Variants in MYOF observed in about 807,000 individuals in gnomAD.
MYOF encodes fer-1-like 3, myoferlin.
Under a neutral mutation model 284.2 loss-of-function variants are expected in MYOF, and 244 were observed. That is an observed-to-expected ratio of 0.86 (90% CI 0.77 to 0.95). MYOF has a LOEUF of 0.95. Ranked by LOEUF, MYOF falls within the 40% of genes least tolerant of loss-of-function variation. The pLI is 0.00. For synonymous variants in MYOF, 904 were observed against 919.7 expected (o/e 0.98, Z 0.31); for missense variants, 2,496 against 2,560.6 (o/e 0.97, Z 0.54).
At chr10:93,431,543 G>C (rs781644060) in intron 3 of MYOF, 27 bp from the exon 4 acceptor site, 1 of 1,584,330 alleles carries the variant, frequency 6.3e-7, no homozygotes, top group South Asian at 1.1e-5. Flanking sequence ...AAAGCACATA[G>C]CAGCCTAAGT....
chr10:93,383,166 G>A (rs1329479733), intron 19 of MYOF, among the ~76,000 whole-genome samples: 3 of 152,070 alleles, frequency 2.0e-5, no homozygotes, highest in Non-Finnish European at 2.9e-5. Flanking sequence ...CAAAGTGCTG[G>A]GATTACAGGC....
chr10:93,411,206 A>T (rs1160915925), intron 5 of MYOF, among the ~76,000 whole-genome samples: 1 of 152,178 alleles, frequency 6.6e-6, no homozygotes, highest in African/African-American at 2.4e-5. Flanking sequence ...AAAATACCAC[A>T]ACCTGGGTGG....
Position 93,431,391 on chromosome 10 carries a change from A to G in MYOF, c.345+17T>C. The stretch of plus-strand genomic sequence containing the variant: ...CATCTCACTTCAAAGCCATTCAATA[A>G]GAGAGAAAACACTCACCCCAGTATC... On this transcript the variant is annotated intron_variant, in intron 4 of 53. Transcript: ENST00000359263. 1 of 1,608,152 alleles carries G rather than the reference A, an allele frequency of 6.2e-7. No homozygotes were observed. Among genetic ancestry groups the G allele is most frequent in the Non-Finnish European group, 8.5e-7 (1 of 1,174,896 alleles).
In MYOF at chr10:93,387,806, C is replaced by A; in HGVS notation, c.1689G>T (p.Leu563=). 6.2e-7 allele frequency: 1 copy of A among 1,613,640 alleles called. No individual in the cohort carries two copies. The highest frequency in any genetic ancestry group is 8.5e-7 in the Non-Finnish European group (1 of 1,179,578). The change falls in exon 19 of 54, where the codon CTG becomes CTT. Residue 563 remains leucine (L), a synonymous_variant. Coordinates refer to ENST00000359263, the MANE Select transcript of MYOF (RefSeq NM_013451.4). ...KLEPISNDDL[L]VVEKYQRRRK... ...ACACTTTAACATTTACCTCAACAAC[C>A]AGCAGGTCATCATTTGAAATGGGCT...
intron 5 of MYOF, among the ~76,000 whole-genome samples, chr10:93,425,489 G>A (rs1434988024): frequency 6.6e-6 from 1 of 152,146 alleles, no homozygotes; most frequent in East Asian, 1.9e-4. Flanking sequence ...ACTGGCACCT[G>A]ATGGCCCTGA....
rs539146572 is a variant in MYOF, at chr10:93,341,050, T to C, written c.4327-886A>G. ...TTGATTTTTGTTCAGCACAATGCAATTGCCAAGAGAGGCAGAGGGACAGAT... is the reference window on the plus strand; with the variant it reads ...TTGATTTTTGTTCAGCACAATGCAACTGCCAAGAGAGGCAGAGGGACAGAT... On this transcript the variant is annotated intron_variant, in intron 38 of 53. Transcript: ENST00000359263. Among the ~76,000 whole-genome samples the C allele has an allele frequency of 8.8e-4, 134 of 152,316 alleles. 2 individuals are homozygous for C. Among genetic ancestry groups the C allele is most frequent in the Admixed American group, 2.4e-3 (36 of 15,302 alleles).
chr10:93,426,884 C>CT (rs1169014883), intron 4 of MYOF, among the ~76,000 whole-genome samples: 4,155 of 104,696 alleles, frequency 0.04, 404 homozygotes, highest in African/African-American at 0.14. Context: ...ACGAGACTGT[C>CT]TTTTTTTTTT....
intron 19 of MYOF, among the ~76,000 whole-genome samples, chr10:93,383,486 T>C (rs1846219773): frequency 6.6e-6 from 1 of 152,120 alleles, no homozygotes; most frequent in Admixed American, 6.5e-5. Flanking sequence ...CCTAGCTTAG[T>C]CCACTGTCAC....
chr10:93,453,841 T>G (rs2056662850), intron 2 of MYOF, among the ~76,000 whole-genome samples: 1 of 151,832 alleles, frequency 6.6e-6, no homozygotes, highest in Non-Finnish European at 1.5e-5. Context: ...GTTATGACTG[T>G]GCCATTACAC....
intron 5 of MYOF, among the ~76,000 whole-genome samples, chr10:93,413,635 T>C (rs1473991208): frequency 2.6e-5 from 4 of 152,220 alleles, no homozygotes; most frequent in African/African-American, 9.6e-5. Flanking sequence ...CTGCTGGTTG[T>C]ATTAGCTTCT....
chr10:93,456,422 A>T (rs2056745959), intron 2 of MYOF, among the ~76,000 whole-genome samples: 1 of 152,216 alleles, frequency 6.6e-6, no homozygotes, highest in African/African-American at 2.4e-5. Context: ...ACTTTTATCA[A>T]CATAAAACCA....
Position 93,344,488 on chromosome 10 carries a change from G to T in MYOF, c.4250-556C>A, listed in dbSNP as rs955160813. Among the ~76,000 whole-genome samples, 3 of 152,124 alleles carry T rather than the reference G, an allele frequency of 2.0e-5. No homozygotes were observed. The East Asian group carries it at 5.8e-4, about 29-fold the overall frequency. ...CATAGCTTAGCTCCTACTTATAAGTGAGAACATACAGAGAGCCTACATCTA... is the reference window on the plus strand; with the variant it reads ...CATAGCTTAGCTCCTACTTATAAGTTAGAACATACAGAGAGCCTACATCTA... On this transcript the variant is annotated intron_variant, in intron 37 of 53. Transcript: ENST00000359263.
chr10:93,431,607 T>C (rs1466953481), intron 3 of MYOF, 91 bp from the exon 4 acceptor site: 2 of 935,868 alleles, frequency 2.1e-6, no homozygotes, highest in Admixed American at 2.2e-5. Context: ...TCTTCATCTG[T>C]TAAATCATTG....
chr10:93,325,149 C>A (rs1244635043), intron 46 of MYOF, among the ~76,000 whole-genome samples: 1 of 152,174 alleles, frequency 6.6e-6, no homozygotes, highest in Non-Finnish European at 1.5e-5. Context: ...CCTGGACCCA[C>A]CCTAGACCTA....
At chr10:93,404,333 T>G in intron 7 of MYOF, 114 bp from the exon 8 acceptor site, 1 of 1,101,074 alleles carries the variant, frequency 9.1e-7, no homozygotes, top group Non-Finnish European at 1.3e-6. Context: ...AATTCAAAAT[T>G]AGGTTTGACC....
intron 9 of MYOF, 85 bp from the exon 10 acceptor site, chr10:93,402,975 A>G (rs1847371550): frequency 8.4e-7 from 1 of 1,192,338 alleles, no homozygotes; most frequent in Admixed American, 1.8e-5. Context: ...ATATTTAAAT[A>G]TCATGTCTTG....
intron 26 of MYOF, among the ~76,000 whole-genome samples, chr10:93,364,677 A>G (rs1845244259): frequency 6.6e-6 from 1 of 152,110 alleles, no homozygotes; most frequent in African/African-American, 2.4e-5. Context: ...TGCCATGTTA[A>G]TTTTCCTCTT....
Position 93,347,646 on chromosome 10 carries a change from C to G in MYOF, c.4220G>C (p.Gly1407Ala), listed in dbSNP as rs1328051955. The change falls in exon 37 of 54, where the codon GGG becomes GCG. Residue 1407 changes from glycine (G) to alanine (A), a missense_variant. Transcript: ENST00000359263. ...GAGCTGTGGGACGATGTCCTCTTTC[C>G]CTGCATAAGGGTCACAGCGAAAGCG... is the stretch of plus-strand genomic sequence containing the variant. ...LDRFRCDPYA[G>A]KEDIVPQLKA... The G allele has an allele frequency of 6.2e-7, 1 of 1,613,706 alleles. No homozygotes were observed. Among genetic ancestry groups the G allele is most frequent in the South Asian group, 1.1e-5 (1 of 91,050 alleles).
intron 18 of MYOF, 78 bp downstream of exon 18, chr10:93,388,952 T>C: frequency 6.5e-7 from 1 of 1,532,046 alleles, no homozygotes; most frequent in Non-Finnish European, 8.8e-7. Flanking sequence ...TATCCTGCAA[T>C]ACTTGATCAG....
Sources: gnomAD v4.1 joint callset for allele counts (sites outside exome capture counted in the v4.1 genomes callset) on GRCh38, gnomAD v4.1.1 for gene constraint, MANE v1.5 for transcripts, NCBI Gene and HGNC (gene_info 2026-07-23, HGNC 2026-07-21) for gene names.